Variants in NBAS observed in about 807,000 individuals in gnomAD.
NBAS encodes NAG/BC035112 fusion.
Under a neutral mutation model 302.5 loss-of-function variants are expected in NBAS, and 219 were observed. The ratio of observed to expected loss-of-function variants is 0.72; its 90% confidence interval spans 0.65 to 0.81. The LOEUF is 0.81. NBAS is among the 30% of genes least tolerant of loss of function. The probability of loss-of-function intolerance (pLI) is 0.00; values close to 1 mark genes in which losing one functional copy is unlikely to be tolerated. For synonymous variants in NBAS, 1,118 were observed against 1,021.6 expected (o/e 1.09, Z -1.80); for missense variants, 2,932 against 2,841.6 (o/e 1.03, Z -0.72).
At chr2:15,144,069 C>CCTATATATATATATATATA in the NBAS span, among the ~76,000 whole-genome samples, 7 of 89,370 alleles carry the variant, frequency 7.8e-5, no homozygotes, top group Admixed American at 5.9e-4. Flanking sequence ...ATATATATAT[C>CCTATATATATATATATATA]TCCCATTAGT....
intron 40 of NBAS, among the ~76,000 whole-genome samples, chr2:15,305,255 T>C (rs1371458646): frequency 1.3e-5 from 2 of 151,958 alleles, no homozygotes; most frequent in East Asian, 3.9e-4. Context: ...TCTCATGAGA[T>C]CTGATGGTTT....
At chr2:15,419,014 C>T (rs2148466742) in intron 23 of NBAS, among the ~76,000 whole-genome samples, 1 of 152,224 alleles carries the variant, frequency 6.6e-6, no homozygotes, top group Admixed American at 6.5e-5. Context: ...AATAGGCAGG[C>T]TGGTCAGAAG....
chr2:15,268,464 A>T (rs189918512), intron 44 of NBAS, among the ~76,000 whole-genome samples: 1 of 152,250 alleles, frequency 6.6e-6, no homozygotes, highest in Admixed American at 6.6e-5. Flanking sequence ...TTTTATATTG[A>T]TCACATGATA....
chr2:15,305,123 T>C (rs1357849319), intron 40 of NBAS, among the ~76,000 whole-genome samples: 4 of 152,116 alleles, frequency 2.6e-5, no homozygotes, highest in African/African-American at 9.7e-5. Context: ...CAGAATGATA[T>C]GATTACGCTC....
intron 9 of NBAS, among the ~76,000 whole-genome samples, chr2:15,533,593 T>C (rs1293799427): frequency 6.6e-6 from 1 of 151,930 alleles, no homozygotes; most frequent in Non-Finnish European, 1.5e-5. Context: ...AAGAAAATCA[T>C]ATACACAAAA....
chr2:15,086,601 T>C, the NBAS span, among the ~76,000 whole-genome samples: 1 of 152,176 alleles, frequency 6.6e-6, no homozygotes, highest in Non-Finnish European at 1.5e-5. Flanking sequence ...CTTAGGGCCC[T>C]GAGGTTTCCT....
the NBAS span, among the ~76,000 whole-genome samples, chr2:14,806,186 A>T: frequency 6.6e-6 from 1 of 152,182 alleles, no homozygotes; most frequent in Non-Finnish European, 1.5e-5. Flanking sequence ...TTCCCAAATC[A>T]GGTTGATGCT....
chr2:15,335,624 C>T (rs929980324), intron 35 of NBAS, among the ~76,000 whole-genome samples: 5 of 152,174 alleles, frequency 3.3e-5, no homozygotes, highest in Non-Finnish European at 5.9e-5. Flanking sequence ...CATTTGAACA[C>T]GTTCTTTTGT....
chr2:15,247,399 A>G (rs1369741632), intron 44 of NBAS, among the ~76,000 whole-genome samples: 3 of 152,180 alleles, frequency 2.0e-5, no homozygotes, highest in African/African-American at 7.2e-5. Flanking sequence ...TTAACCTTAA[A>G]TGTAAACAGG....
At chr2:15,017,053 T>C in the NBAS span, among the ~76,000 whole-genome samples, 36 of 151,966 alleles carry the variant, frequency 2.4e-4, no homozygotes, top group African/African-American at 8.2e-4. Context: ...ATGAAGGATA[T>C]TCACTGTGGA....
chr2:15,195,566 C>A (rs1194989071), intron 48 of NBAS, among the ~76,000 whole-genome samples: 2 of 152,104 alleles, frequency 1.3e-5, no homozygotes, highest in Non-Finnish European at 2.9e-5. Flanking sequence ...GGAGAGGAAA[C>A]AGACTCCACT....
At chr2:14,978,921 G>A in the NBAS span, among the ~76,000 whole-genome samples, 1 of 152,144 alleles carries the variant, frequency 6.6e-6, no homozygotes, top group African/African-American at 2.4e-5. Flanking sequence ...AGACTCTCAA[G>A]GTGCTGAGGG....
chr2:15,419,694 C>T (rs756446701), intron 23 of NBAS, among the ~76,000 whole-genome samples: 1 of 151,940 alleles, frequency 6.6e-6, no homozygotes, highest in Non-Finnish European at 1.5e-5. Flanking sequence ...TGCCAAAGTA[C>T]ATGTACTTGG....
chr2:14,813,297 G>A, the NBAS span, among the ~76,000 whole-genome samples: 4 of 152,150 alleles, frequency 2.6e-5, no homozygotes, highest in African/African-American at 7.2e-5. Context: ...ACAGGAAGAT[G>A]GGGAAGGTTT....
chr2:14,796,090 A>G, the NBAS span, among the ~76,000 whole-genome samples: 1 of 152,320 alleles, frequency 6.6e-6, no homozygotes, highest in South Asian at 2.1e-4. Flanking sequence ...TTCCAGAACC[A>G]TTTGTTGAAA....
chr2:15,525,397 T>C (rs1662871145), intron 9 of NBAS, among the ~76,000 whole-genome samples: 1 of 152,186 alleles, frequency 6.6e-6, no homozygotes, highest in African/African-American at 2.4e-5. Flanking sequence ...AGTAAATGAC[T>C]TACTTTGAGA....
the NBAS span, among the ~76,000 whole-genome samples, chr2:14,994,278 G>A: frequency 6.6e-6 from 1 of 152,206 alleles, no homozygotes; most frequent in Non-Finnish European, 1.5e-5. Flanking sequence ...CTTGAAAGAA[G>A]GTGCAAGCTT....
the NBAS span, among the ~76,000 whole-genome samples, chr2:14,875,144 GAAAT>G: frequency 6.6e-6 from 1 of 152,078 alleles, no homozygotes; most frequent in East Asian, 1.9e-4. Context: ...GGCAGAAAAA[GAAAT>G]AAAACATAAA....
At chr2:15,234,097 A>T (rs1418876474) in intron 46 of NBAS, among the ~76,000 whole-genome samples, 1 of 152,238 alleles carries the variant, frequency 6.6e-6, no homozygotes, top group Admixed American at 6.5e-5. Context: ...AAGACACTTT[A>T]CAGATGTCTA....
Sources: gnomAD v4.1 joint callset for allele counts (sites outside exome capture counted in the v4.1 genomes callset) on GRCh38, gnomAD v4.1.1 for gene constraint, MANE v1.5 for transcripts, NCBI Gene and HGNC (gene_info 2026-07-23, HGNC 2026-07-21) for gene names.